The following CLSTN2 variants were observed in gnomAD, a reference collection of about 807,000 sequenced individuals.
The protein encoded by CLSTN2 is calsyntenin-2.
A neutral mutation model predicts 101.2 loss-of-function variants in CLSTN2; 48 were observed. The ratio of observed to expected loss-of-function variants is 0.47; its 90% CI spans 0.38 to 0.60. CLSTN2 has a LOEUF of 0.60. CLSTN2 is among the 20% of genes least tolerant of loss of function. CLSTN2 has a pLI of 0.00. For missense variants in CLSTN2, 1,160 were observed against 1,238.2 expected, an observed-to-expected ratio of 0.94 and a Z score of 0.95; for synonymous variants, 481 against 463.6, an observed-to-expected ratio of 1.04 and a Z score of -0.48.
intron 1 of CLSTN2, among the ~76,000 whole-genome samples, chr3:140,125,692 T>C (rs992656770): frequency 1.3e-5 from 2 of 152,046 alleles, no homozygotes; most frequent in African/African-American, 4.8e-5. Context: ...CACTTGAGAT[T>C]TGGGTTCAGC....
intron 6 of CLSTN2, among the ~76,000 whole-genome samples, chr3:140,452,266 G>A (rs1262995275): frequency 6.6e-6 from 1 of 151,990 alleles, no homozygotes. Context: ...TCGCCCTGAT[G>A]TTCTGCTTCT....
chr3:140,026,458 CA>C (rs1268124036), intron 1 of CLSTN2, among the ~76,000 whole-genome samples: 2 of 152,152 alleles, frequency 1.3e-5, no homozygotes, highest in Non-Finnish European at 2.9e-5. Flanking sequence ...ACTAAATGGA[CA>C]AAAAAGTTTG....
At chr3:140,283,368 C>G (rs183926025) in intron 2 of CLSTN2, among the ~76,000 whole-genome samples, 17 of 152,304 alleles carry the variant, frequency 1.1e-4, no homozygotes, top group African/African-American at 3.4e-4. Context: ...CACATGCCTG[C>G]ACACACTAGT....
At chr3:140,240,469 A>G (rs4632509) in intron 2 of CLSTN2, among the ~76,000 whole-genome samples, 147,734 of 151,950 alleles carry the variant, frequency 0.97, 71,928 homozygotes, top group East Asian at 1. Context: ...TTTGCCAGCT[A>G]TGTGAACTTT....
At chr3:140,283,449 C>T (rs1022124461) in intron 2 of CLSTN2, among the ~76,000 whole-genome samples, 2 of 152,140 alleles carry the variant, frequency 1.3e-5, no homozygotes, top group Non-Finnish European at 2.9e-5. Context: ...TCCCTTTTAT[C>T]CTGTAAACTG....
At chr3:140,531,060 G>T (rs114684053) in intron 8 of CLSTN2, among the ~76,000 whole-genome samples, 2,331 of 152,198 alleles carry the variant, frequency 0.015, 62 homozygotes, top group African/African-American at 0.053. Context: ...GTATGTCTTG[G>T]GGTCACCCCA....
chr3:140,261,850 A>G (rs1029559030), intron 2 of CLSTN2, among the ~76,000 whole-genome samples: 2 of 152,186 alleles, frequency 1.3e-5, no homozygotes, highest in African/African-American at 4.8e-5. Context: ...CTGGTTCCTA[A>G]CATCCACCAT....
chr3:139,982,322 A>G (rs1031915109), intron 1 of CLSTN2, among the ~76,000 whole-genome samples: 2 of 151,994 alleles, frequency 1.3e-5, no homozygotes, highest in African/African-American at 2.4e-5. Context: ...AAATATATTT[A>G]TACTTGTGAA....
chr3:140,026,672 G>T (rs1324156759), intron 1 of CLSTN2, among the ~76,000 whole-genome samples: 1 of 152,210 alleles, frequency 6.6e-6, no homozygotes, highest in Non-Finnish European at 1.5e-5. Flanking sequence ...AGGCTGAATG[G>T]CTGACTGAGT....
chr3:140,484,004 T>C (rs1022463704), intron 8 of CLSTN2, among the ~76,000 whole-genome samples: 2 of 152,192 alleles, frequency 1.3e-5, no homozygotes, highest in Non-Finnish European at 2.9e-5. Flanking sequence ...ATCCTGTCAT[T>C]ATGATGTTAG....
chr3:140,097,686 C>A (rs2008892673), intron 1 of CLSTN2, among the ~76,000 whole-genome samples: 2 of 152,164 alleles, frequency 1.3e-5, no homozygotes, highest in South Asian at 4.1e-4. Flanking sequence ...CAACTAGCGT[C>A]AATTGCAGTG....
intron 2 of CLSTN2, among the ~76,000 whole-genome samples, chr3:140,249,056 C>T (rs147794671): frequency 6.6e-5 from 10 of 152,158 alleles, no homozygotes; most frequent in African/African-American, 2.4e-4. Flanking sequence ...TGTTTTTTTG[C>T]TCCCAGTCAC....
At chr3:140,445,159 TCCCTGGCGGCCAGAGAGGG>T (rs1046385126) in intron 5 of CLSTN2, among the ~76,000 whole-genome samples, 10 of 152,344 alleles carry the variant, frequency 6.6e-5, no homozygotes, top group Non-Finnish European at 1.3e-4. Context: ...ACCTGATTTC[TCCCTGGCGGCCAGAGAGGG>T]CCCTGCCCTG....
At chr3:140,066,009 G>A (rs1229162119) in intron 1 of CLSTN2, among the ~76,000 whole-genome samples, 1 of 152,138 alleles carries the variant, frequency 6.6e-6, no homozygotes, top group Admixed American at 6.5e-5. Flanking sequence ...CTGATTGATG[G>A]GCAGATATTA....
chr3:140,382,144 A>G (rs1019441952), intron 2 of CLSTN2, among the ~76,000 whole-genome samples: 3 of 152,130 alleles, frequency 2.0e-5, no homozygotes, highest in African/African-American at 7.2e-5. Flanking sequence ...CTTACCCATT[A>G]TATCTTCCCA....
intron 2 of CLSTN2, among the ~76,000 whole-genome samples, chr3:140,195,554 A>T (rs1240285782): frequency 6.6e-6 from 1 of 152,060 alleles, no homozygotes; most frequent in Non-Finnish European, 1.5e-5. Context: ...AGAAAAAAAT[A>T]GTTTTTAAAA....
At chr3:139,936,370 G>A (rs1935021470) in intron 1 of CLSTN2, among the ~76,000 whole-genome samples, 1 of 152,206 alleles carries the variant, frequency 6.6e-6, no homozygotes, top group South Asian at 2.1e-4. Flanking sequence ...GGGAACAGTG[G>A]TGGGCTCAGG....
intron 1 of CLSTN2, among the ~76,000 whole-genome samples, chr3:140,021,250 C>G (rs2007309982): frequency 6.6e-6 from 1 of 152,134 alleles, no homozygotes; most frequent in Non-Finnish European, 1.5e-5. Flanking sequence ...AGTTACTGCC[C>G]CTTGTGCTCA....
At chr3:140,041,011 G>A (rs989232368) in intron 1 of CLSTN2, among the ~76,000 whole-genome samples, 2 of 152,118 alleles carry the variant, frequency 1.3e-5, no homozygotes, top group African/African-American at 2.4e-5. Flanking sequence ...CAAATCAGAC[G>A]GCCCGAGTGG....
Sources: gnomAD v4.1 joint callset for allele counts (sites outside exome capture counted in the v4.1 genomes callset) on GRCh38, gnomAD v4.1.1 for gene constraint, MANE v1.5 for transcripts, NCBI Gene and HGNC (gene_info 2026-07-23, HGNC 2026-07-21) for gene names.